Variants in DPH6 observed in about 807,000 individuals in gnomAD.
DPH6 encodes diphthamine biosynthesis 6.
In DPH6, 33 loss-of-function variants were observed where a neutral mutation model predicts 38.2. The ratio of observed to expected loss-of-function variants is 0.86; its 90% CI spans 0.65 to 1.15. DPH6 has a LOEUF of 1.15. Ranked by LOEUF, DPH6 falls within the 50% of genes most tolerant of loss-of-function variation. The pLI, the probability that DPH6 is intolerant of heterozygous loss-of-function variation, is 0.00. For missense variants in DPH6, 325 were observed against 320.0 expected (o/e 1.02, Z -0.12); for synonymous variants, 108 against 103.0 (o/e 1.05, Z -0.30).
the DPH6 span, among the ~76,000 whole-genome samples, chr15:35,200,546 T>C: frequency 6.6e-6 from 1 of 152,074 alleles, no homozygotes; most frequent in Admixed American, 6.6e-5. Flanking sequence ...TAGTCAAATA[T>C]TTACTGCATG....
intron 7 of DPH6, among the ~76,000 whole-genome samples, chr15:35,378,146 C>G (rs768396755): frequency 2.0e-5 from 3 of 152,016 alleles, no homozygotes; most frequent in Non-Finnish European, 4.4e-5. Context: ...AAAAAACAAC[C>G]CCATCAAAAA....
chr15:35,440,671 C>G (rs1042580566), intron 5 of DPH6, among the ~76,000 whole-genome samples: 3 of 152,166 alleles, frequency 2.0e-5, no homozygotes, highest in Admixed American at 2.0e-4. Flanking sequence ...TAAGGGAACC[C>G]GCACAGGGTC....
At chr15:35,344,098 A>C (rs2140882033) in intron 3 of DPH6, among the ~76,000 whole-genome samples, 1 of 152,162 alleles carries the variant, frequency 6.6e-6, no homozygotes, top group African/African-American at 2.4e-5. Context: ...AATTAAGATA[A>C]GTTTGAAACA....
intron 6 of DPH6, among the ~76,000 whole-genome samples, chr15:35,389,545 T>C (rs1402354339): frequency 2.0e-5 from 3 of 152,218 alleles, no homozygotes; most frequent in African/African-American, 7.2e-5. Context: ...TGCATATATA[T>C]TTAGGATAGT....
chr15:35,249,011 T>C (rs1292751747), intron 3 of DPH6, among the ~76,000 whole-genome samples: 2 of 152,168 alleles, frequency 1.3e-5, no homozygotes, highest in African/African-American at 2.4e-5. Flanking sequence ...TGAATAAACA[T>C]GGAGAGATTG....
At chr15:35,502,426 T>G (rs1381283056) in intron 3 of DPH6, among the ~76,000 whole-genome samples, 1 of 152,046 alleles carries the variant, frequency 6.6e-6, no homozygotes, top group East Asian at 1.9e-4. Context: ...GTTGCCCCAT[T>G]GACAAATAAT....
chr15:35,237,541 C>T (rs2051562210), intron 3 of DPH6: 11 of 1,547,322 alleles, frequency 7.1e-6, no homozygotes, highest in South Asian at 1.1e-5. Context: ...TTGAACTAAG[C>T]GATAACAGAG....
intron 3 of DPH6, among the ~76,000 whole-genome samples, chr15:35,497,961 A>G (rs537000996): frequency 2.6e-5 from 4 of 152,184 alleles, no homozygotes; most frequent in South Asian, 4.2e-4. Flanking sequence ...GTTATTGTTG[A>G]CTCTTATTGA....
the DPH6 span, among the ~76,000 whole-genome samples, chr15:35,209,757 A>T: frequency 5.3e-5 from 8 of 152,304 alleles, 1 homozygote; most frequent in Admixed American, 2.0e-4. Flanking sequence ...TTCTTTCTCA[A>T]TTGTGCACAG....
intron 3 of DPH6, among the ~76,000 whole-genome samples, chr15:35,299,818 T>A (rs2052042815): frequency 6.6e-6 from 1 of 152,250 alleles, no homozygotes; most frequent in Non-Finnish European, 1.5e-5. Flanking sequence ...GTATTCTTTT[T>A]TGTGCGTGCT....
At chr15:35,333,986 G>A (rs1179351225) in intron 3 of DPH6, among the ~76,000 whole-genome samples, 1 of 152,028 alleles carries the variant, frequency 6.6e-6, no homozygotes, top group Non-Finnish European at 1.5e-5. Flanking sequence ...GACATGGATG[G>A]AATTGGAAGC....
rs1213780567 is a variant in DPH6, at chr15:35,371,644, C to T, written c.*506G>A. ...GTTAAGGACATTCTTCCTAATTGTCCAATAACGTTGAAACACTTCAACCAT... is the reference window on the plus strand; with the variant it reads ...GTTAAGGACATTCTTCCTAATTGTCTAATAACGTTGAAACACTTCAACCAT... On this transcript the variant is annotated 3_prime_UTR_variant, in exon 9 of 9. Coordinates refer to ENST00000256538, the MANE Select transcript of DPH6 (RefSeq NM_080650.4). 9.1e-6 allele frequency: 9 copies of T among 984,620 alleles called. No individual in the cohort carries two copies. The African/African-American group carries it at 1.6e-4, about 17-fold the overall frequency. The allele number at this position is 984,620 out of a possible 1,614,324, so 61.0% of individuals were successfully genotyped here.
chr15:35,440,909 T>A (rs2053779173), intron 5 of DPH6, among the ~76,000 whole-genome samples: 1 of 152,214 alleles, frequency 6.6e-6, no homozygotes, highest in East Asian at 1.9e-4. Context: ...TCTATCCATC[T>A]GACAAAGGAC....
intron 3 of DPH6, among the ~76,000 whole-genome samples, chr15:35,223,642 C>T (rs190210629): frequency 2.6e-4 from 39 of 151,826 alleles, no homozygotes; most frequent in Middle Eastern, 3.4e-3. Flanking sequence ...GCGGAGATCG[C>T]GCCACTGCAC....
intron 3 of DPH6, among the ~76,000 whole-genome samples, chr15:35,503,781 C>A (rs1419367172): frequency 6.6e-6 from 1 of 152,014 alleles, no homozygotes; most frequent in Non-Finnish European, 1.5e-5. Context: ...AGCAATTCTA[C>A]GAGGTAGGCT....
chr15:35,393,248 G>C (rs1217872576), intron 6 of DPH6, among the ~76,000 whole-genome samples: 3 of 152,144 alleles, frequency 2.0e-5, no homozygotes, highest in African/African-American at 4.8e-5. Flanking sequence ...GGAGAGGAGA[G>C]AGTAGATATT....
chr15:35,201,167 G>C, the DPH6 span, among the ~76,000 whole-genome samples: 1 of 151,210 alleles, frequency 6.6e-6, no homozygotes, highest in Admixed American at 6.6e-5. Context: ...AATTATACTT[G>C]ATGTCTGAAT....
At chr15:35,248,163 G>A (rs1216749003) in intron 3 of DPH6, among the ~76,000 whole-genome samples, 3 of 152,172 alleles carry the variant, frequency 2.0e-5, no homozygotes, top group Non-Finnish European at 4.4e-5. Flanking sequence ...AGCCTAAGAA[G>A]TGGTTTCTGT....
the DPH6 span, among the ~76,000 whole-genome samples, chr15:35,161,089 A>G: frequency 0.53 from 80,778 of 151,780 alleles, 24,067 homozygotes; most frequent in Non-Finnish European, 0.68. Context: ...ATGTATACAT[A>G]TGTAACAAAC....
Sources: allele counts gnomAD v4.1 joint callset (sites outside exome capture counted in the v4.1 genomes callset), GRCh38; gene constraint gnomAD v4.1.1; transcripts MANE v1.5; gene names NCBI Gene and HGNC (gene_info 2026-07-23, HGNC 2026-07-21).